SOS2: variants seen among roughly 807,000 people sequenced by gnomAD.
SOS2 encodes SOS Ras/Rho guanine nucleotide exchange factor 2.
A neutral mutation model predicts 148.2 loss-of-function variants in SOS2; 65 were observed. The ratio of observed to expected loss-of-function variants is 0.44; its 90% CI spans 0.36 to 0.54. The LOEUF (loss-of-function observed/expected upper bound fraction) is 0.54. Among genes scored for constraint, SOS2 ranks in the 20% least tolerant of loss-of-function variants. The probability of loss-of-function intolerance (pLI) is 0.00; values close to 1 mark genes in which losing one functional copy is unlikely to be tolerated. For synonymous variants in SOS2, 539 were observed against 537.1 expected (o/e 1.00, Z -0.05); for missense variants, 1,341 against 1,590.2 (o/e 0.84, Z 2.67).
At chr14:50,195,370 C>T (rs2139763625) in intron 4 of SOS2, among the ~76,000 whole-genome samples, 1 of 152,172 alleles carries the variant, frequency 6.6e-6, no homozygotes, top group East Asian at 1.9e-4. Flanking sequence ...ACAAGGGGAT[C>T]TGAAAATCCT....
At chr14:50,135,249 C>T (rs1003889607) in intron 18 of SOS2, among the ~76,000 whole-genome samples, 1 of 151,558 alleles carries the variant, frequency 6.6e-6, no homozygotes, top group African/African-American at 2.4e-5. Context: ...CTGCTTAAGC[C>T]CAGGAATTTG....
intron 16 of SOS2, among the ~76,000 whole-genome samples, chr14:50,144,526 C>T (rs1884402193): frequency 6.6e-6 from 1 of 152,008 alleles, no homozygotes. Flanking sequence ...CAAATGCTGC[C>T]TCCTGAGTTC....
chr14:50,160,541 C>A (rs1243053730), intron 9 of SOS2, among the ~76,000 whole-genome samples: 1 of 151,974 alleles, frequency 6.6e-6, no homozygotes, highest in Non-Finnish European at 1.5e-5. Flanking sequence ...TGCCTGCCAC[C>A]ACGCCTGGCT....
intron 8 of SOS2, among the ~76,000 whole-genome samples, chr14:50,167,353 ACC>A (rs1295044011): frequency 1.3e-5 from 2 of 149,850 alleles, no homozygotes; most frequent in Non-Finnish European, 1.5e-5. Context: ...ACATGACAAA[ACC>A]CCTTCTCTAC....
chr14:50,191,407 T>C (rs1287675121), intron 4 of SOS2, among the ~76,000 whole-genome samples: 3 of 152,094 alleles, frequency 2.0e-5, no homozygotes, highest in African/African-American at 2.4e-5. Flanking sequence ...AATTCGAAGC[T>C]GCAGTGAGCT....
chr14:50,165,238 AT>A (rs1566833700), intron 8 of SOS2, among the ~76,000 whole-genome samples: 1 of 152,178 alleles, frequency 6.6e-6, no homozygotes. Flanking sequence ...TATAGTGTAT[AT>A]TCCAATTTTG....
chr14:50,148,025 AT>A (rs1347854582), intron 14 of SOS2, among the ~76,000 whole-genome samples: 21 of 152,330 alleles, frequency 1.4e-4, no homozygotes, highest in Admixed American at 7.8e-4. Context: ...CATTAAAAAA[AT>A]ATTTTTTAAT....
intron 18 of SOS2, among the ~76,000 whole-genome samples, chr14:50,136,331 C>T (rs1884079830): frequency 6.6e-6 from 1 of 152,168 alleles, no homozygotes; most frequent in Admixed American, 6.5e-5. Flanking sequence ...GAAGACACTT[C>T]CTCCCAAAAA....
chr14:50,220,405 C>CGAAAAAAAAAAAAAAAAAAA (rs779813155), intron 1 of SOS2, among the ~76,000 whole-genome samples: 5 of 30,446 alleles, frequency 1.6e-4, no homozygotes, highest in African/African-American at 7.2e-4. Flanking sequence ...GACTCCATCT[C>CGAAAAAAAAAAAAAAAAAAA]AAAAAAAAAA....
intron 8 of SOS2, among the ~76,000 whole-genome samples, chr14:50,171,187 A>G (rs2139667747): frequency 6.6e-6 from 1 of 152,262 alleles, no homozygotes; most frequent in South Asian, 2.1e-4. Flanking sequence ...AACCCTGTGC[A>G]CTGTTGGTAG....
chr14:50,157,597 C>T (rs1248560145), intron 11 of SOS2, among the ~76,000 whole-genome samples: 1 of 152,048 alleles, frequency 6.6e-6, no homozygotes, highest in Non-Finnish European at 1.5e-5. Context: ...GGAAATACAG[C>T]TAAACTATAA....
At chr14:50,178,792 G>A (rs761138285) in intron 7 of SOS2, among the ~76,000 whole-genome samples, 2 of 151,080 alleles carry the variant, frequency 1.3e-5, no homozygotes, top group Non-Finnish European at 2.9e-5. Flanking sequence ...GGAGTGTAGT[G>A]GCACGATCTC....
rs1318970550 is a variant in SOS2, at chr14:50,231,324, G to A, written c.-41C>T. Reference sequence around the variant, plus strand: ...GCCTCCGCATCGGGGGCAGCCCGCGGGCCGGGCCGGTGGCCTGACAGGCAG... The same window carrying A: ...GCCTCCGCATCGGGGGCAGCCCGCGAGCCGGGCCGGTGGCCTGACAGGCAG... On this transcript the variant is annotated 5_prime_UTR_variant, in exon 1 of 23. Transcript: ENST00000216373. 4.2e-6 allele frequency: 5 copies of A among 1,185,026 alleles called. No homozygotes were observed. Among genetic ancestry groups the A allele is most frequent in the African/African-American group, 1.6e-5 (1 of 63,942 alleles). The allele number at this position is 1,185,026 out of a possible 1,614,324, so 73.4% of individuals were successfully genotyped here. A position where few individuals can be genotyped will look rare whatever the true frequency, so the allele number is the denominator to read the frequency against.
Position 50,182,548 on chromosome 14 carries a change from A to G in SOS2, c.773T>C (p.Leu258Ser), listed in dbSNP as rs780562244. 6.2e-7 allele frequency: 1 copy of G among 1,610,178 alleles called. No homozygotes were observed. The highest frequency in any genetic ancestry group is 8.5e-7 in the Non-Finnish European group (1 of 1,176,486). ...SDIHELTVKL[L>S]GLIEDTVEMT... is the part of the protein sequence containing the mutation. The stretch of plus-strand genomic sequence containing the variant: ...TTCAACTGTGTCTTCAATCAAACCT[A>G]AAAGTTTCACAGTCAATTCATGTAT... The change falls in exon 6 of 23, where the codon TTA (leucine) becomes TCA (serine). Residue 258 changes from leucine (L) to serine (S), a missense_variant. Physicochemically the swap from Leu to Ser is moderately radical, Grantham distance 145. Transcript: ENST00000216373.
At chr14:50,197,837 T>A (rs1281362983) in intron 4 of SOS2, among the ~76,000 whole-genome samples, 1 of 151,862 alleles carries the variant, frequency 6.6e-6, no homozygotes, top group African/African-American at 2.4e-5. Flanking sequence ...TACAGGCATA[T>A]GCCACCATGC....
chr14:50,161,308 A>T (rs1204034441), intron 9 of SOS2, among the ~76,000 whole-genome samples, 174 bp downstream of exon 9: 1 of 151,790 alleles, frequency 6.6e-6, no homozygotes, highest in Non-Finnish European at 1.5e-5. Context: ...AAAAAAAAAA[A>T]GGAAAGGAAA....
chr14:50,129,945 C>T lies in SOS2; in HGVS notation c.3379+16G>A. The T allele has an allele frequency of 6.6e-7, 1 of 1,514,060 alleles. No individual in the cohort carries two copies. Among genetic ancestry groups the T allele is most frequent in the Non-Finnish European group, 9.1e-7 (1 of 1,097,542 alleles). The allele number at this position is 1,514,060 out of a possible 1,614,324, so 93.8% of individuals were successfully genotyped here. ...TTACAGTCATTTCATTAAGAATCAACTTAAATTATACTTACTTGAATGTGG... is the reference window on the plus strand; with the variant it reads ...TTACAGTCATTTCATTAAGAATCAATTTAAATTATACTTACTTGAATGTGG... On this transcript the variant is annotated intron_variant, in intron 21 of 22. Coordinates refer to ENST00000216373, the MANE Select transcript of SOS2 (RefSeq NM_006939.4).
chr14:50,219,449 T>C (rs1887137539), intron 1 of SOS2, among the ~76,000 whole-genome samples: 1 of 152,154 alleles, frequency 6.6e-6, no homozygotes, highest in Admixed American at 6.6e-5. Flanking sequence ...ATTCTATCAG[T>C]ATTAATATAA....
chr14:50,143,979 A>G (rs1294793283), intron 16 of SOS2, among the ~76,000 whole-genome samples: 3 of 151,948 alleles, frequency 2.0e-5, no homozygotes, highest in Non-Finnish European at 1.5e-5. Context: ...AATATAATAC[A>G]TAATACCAAG....
Sources: allele counts gnomAD v4.1 joint callset (sites outside exome capture counted in the v4.1 genomes callset), GRCh38; gene constraint gnomAD v4.1.1; transcripts MANE v1.5; gene names NCBI Gene and HGNC (gene_info 2026-07-23, HGNC 2026-07-21).